STARD9: variants seen among roughly 807,000 people sequenced by gnomAD.
STARD9 encodes the protein StAR related lipid transfer domain containing 9.
In STARD9, 346 loss-of-function variants were observed where a neutral mutation model predicts 399.8. The ratio of observed to expected loss-of-function variants is 0.87; its 90% confidence interval spans 0.79 to 0.95. The LOEUF is 0.95. STARD9 is among the 40% of genes least tolerant of loss of function. The pLI is 0.00. For synonymous variants in STARD9, 2,203 were observed against 2,143.5 expected (o/e 1.03, Z -0.77); for missense variants, 5,832 against 5,667.5 (o/e 1.03, Z -0.93).
rs1358973550 is a variant in STARD9, at chr15:42,695,328, G to A, written c.13146+5G>A. On this transcript the variant is annotated splice_donor_5th_base_variant and intron_variant, in intron 25 of 32. Coordinates refer to ENST00000290607, the MANE Select transcript of STARD9 (RefSeq NM_020759.3). Reference sequence around the variant, plus strand: ...ATCATTTCCCAGCTATTGAAGGTGTGGAGTGGGGCATGCCTCTGATTTCAG... The same window carrying A: ...ATCATTTCCCAGCTATTGAAGGTGTAGAGTGGGGCATGCCTCTGATTTCAG... The A allele has an allele frequency of 5.2e-6, 8 of 1,526,612 alleles. No homozygotes were observed. The highest frequency in any genetic ancestry group is 3.6e-5 in the South Asian group (3 of 82,446). The allele number at this position is 1,526,612 out of a possible 1,614,324, so 94.6% of individuals were successfully genotyped here.
intron 20 of STARD9, among the ~76,000 whole-genome samples, chr15:42,678,726 T>C (rs1028592079): frequency 7.2e-5 from 11 of 152,174 alleles, no homozygotes; most frequent in African/African-American, 1.9e-4. Flanking sequence ...AGCTGGGGGA[T>C]ACTGGAGCCA....
intron 7 of STARD9, among the ~76,000 whole-genome samples, chr15:42,650,621 A>G (rs1014191069): frequency 5.9e-5 from 9 of 152,204 alleles, no homozygotes; most frequent in Non-Finnish European, 1.3e-4. Flanking sequence ...TGTACTGTGT[A>G]TTTTGTATGC....
At chr15:42,590,930 G>A (rs2058380850) in intron 3 of STARD9, among the ~76,000 whole-genome samples, 1 of 152,116 alleles carries the variant, frequency 6.6e-6, no homozygotes, top group Non-Finnish European at 1.5e-5. Flanking sequence ...TCCAACATTG[G>A]GGGTCACATT....
At chr15:42,625,988 A>G (rs1455923835) in intron 3 of STARD9, among the ~76,000 whole-genome samples, 2 of 151,472 alleles carry the variant, frequency 1.3e-5, no homozygotes, top group African/African-American at 4.9e-5. Context: ...GTGGTGCGAT[A>G]TCGGCTCACT....
At position 42,682,572 on chromosome 15, in the gene STARD9, A is replaced by G; in HGVS notation, c.2534A>G (p.His845Arg). The G allele has an allele frequency of 6.5e-7, 1 of 1,534,594 alleles. No homozygotes were observed. Among genetic ancestry groups the G allele is most frequent in the East Asian group, 2.4e-5 (1 of 40,862 alleles). ...TGCAGCAAGCACATGCCCCAGCTAC[A>G]CAGGTACAGCCAGTAGTTGTCACTG... The part of the protein sequence containing the change: ...RLCSKHMPQL[H>R]SIFLSWDPST... The change falls in exon 22 of 33, where the codon CAC becomes CGC. Residue 845 changes from histidine (H) to arginine (R), a missense_variant. Coordinates refer to ENST00000290607, the MANE Select transcript of STARD9 (RefSeq NM_020759.3).
At chr15:42,636,391 GCCAATATGGTGAAA>G (rs745506312) in intron 4 of STARD9, among the ~76,000 whole-genome samples, 1 of 152,074 alleles carries the variant, frequency 6.6e-6, no homozygotes, top group Non-Finnish European at 1.5e-5. Context: ...GGCCAGCCTG[GCCAATATGGTGAAA>G]CCAAGTCTTT....
chr15:42,576,928 G>C (rs1595567383), intron 1 of STARD9, among the ~76,000 whole-genome samples: 1 of 152,284 alleles, frequency 6.6e-6, no homozygotes, highest in East Asian at 1.9e-4. Context: ...TGCCTGACCT[G>C]CTGCGTTTTG....
At chr15:42,610,504 C>G (rs1352061583) in intron 3 of STARD9, among the ~76,000 whole-genome samples, 1 of 152,106 alleles carries the variant, frequency 6.6e-6, no homozygotes, top group Non-Finnish European at 1.5e-5. Context: ...AACCACTATT[C>G]TTTTGGGGTT....
chr15:42,622,181 G>A (rs949264357), intron 3 of STARD9, among the ~76,000 whole-genome samples: 5 of 152,056 alleles, frequency 3.3e-5, no homozygotes, highest in Non-Finnish European at 7.4e-5. Flanking sequence ...TGGAGGCCAC[G>A]GCAACTCCTT....
chr15:42,631,874 T>C (rs955836168), intron 3 of STARD9, among the ~76,000 whole-genome samples: 1 of 152,184 alleles, frequency 6.6e-6, no homozygotes, highest in South Asian at 2.1e-4. Context: ...GGTCTATTCT[T>C]GAGAATGATC....
chr15:42,645,382 G>A (rs2059625879), intron 7 of STARD9, among the ~76,000 whole-genome samples: 1 of 152,104 alleles, frequency 6.6e-6, no homozygotes, highest in South Asian at 2.1e-4. Flanking sequence ...CTCCATCAGA[G>A]CCCTTGGGTG....
chr15:42,666,064 G>C (rs887378022), intron 15 of STARD9, among the ~76,000 whole-genome samples: 1 of 152,070 alleles, frequency 6.6e-6, no homozygotes, highest in African/African-American at 2.4e-5. Flanking sequence ...TCAGGGATTC[G>C]TAAGTCCTTT....
chr15:42,685,687 AG>A lies in STARD9; in HGVS notation c.4114del (p.Glu1372ArgfsTer12). 1 of 1,537,398 alleles carries A rather than the reference AG, an allele frequency of 6.5e-7. No individual in the cohort carries two copies. Among genetic ancestry groups the A allele is most frequent in the Non-Finnish European group, 8.7e-7 (1 of 1,146,956 alleles). The part of the protein sequence containing the change: ...SPDMQEFHSC[K>X]GERPGYWPNT... The stretch of plus-strand genomic sequence containing the variant: ...GATATGCAGGAATTTCACTCCTGTA[AG>A]GGGGAGAGGCCTGGATACTGGCCAA... On this transcript the variant is annotated frameshift_variant, in exon 23 of 33. Transcript: ENST00000290607. LOFTEE classifies it high-confidence loss of function.
At chr15:42,580,177 A>C in intron 1 of STARD9, among the ~76,000 whole-genome samples, 1 of 152,256 alleles carries the variant, frequency 6.6e-6, no homozygotes, top group Non-Finnish European at 1.5e-5. Context: ...CTCCCAGAGG[A>C]AAGAAGGGAA....
Position 42,695,834 on chromosome 15 carries a change from A to G in STARD9, c.13238A>G (p.Asn4413Ser). 6.5e-7 allele frequency: 1 copy of G among 1,537,262 alleles called. No individual in the cohort carries two copies. The change falls in exon 26 of 33, where the codon AAT becomes AGT. Residue 4413 changes from asparagine to serine, a missense_variant. Physicochemically the swap from Asn to Ser is conservative, Grantham distance 46. Transcript: ENST00000290607. ...SLSSGMTSGY[N>S]SSPALSGQLQ... ...TCGTCTGGCATGACCTCTGGCTATA[A>G]TAGCAGCCCAGCCTTGTCAGGCCAG...
At chr15:42,644,047 G>GATAT (rs1213423633) in intron 7 of STARD9, among the ~76,000 whole-genome samples, 1 of 152,052 alleles carries the variant, frequency 6.6e-6, no homozygotes, top group Non-Finnish European at 1.5e-5. Context: ...ACATGCTTTG[G>GATAT]ATATATTTGG....
At chr15:42,618,922 T>G (rs2059029001) in intron 3 of STARD9, among the ~76,000 whole-genome samples, 1 of 152,154 alleles carries the variant, frequency 6.6e-6, no homozygotes, top group South Asian at 2.1e-4. Flanking sequence ...CCAGATATTT[T>G]TTTTAATCTT....
intron 1 of STARD9, among the ~76,000 whole-genome samples, chr15:42,579,072 G>T (rs2058115760): frequency 6.6e-6 from 1 of 152,172 alleles, no homozygotes; most frequent in South Asian, 2.1e-4. Flanking sequence ...TGAGGGGATG[G>T]ATGCTTTAAT....
In STARD9 at chr15:42,689,453, A is replaced by G; in HGVS notation, c.7875A>G (p.Ala2625=). 6.5e-7 allele frequency: 1 copy of G among 1,537,292 alleles called. No homozygotes were observed. The highest frequency in any genetic ancestry group is 2.0e-5 in the Admixed American group (1 of 51,006). Residue 2625 remains alanine (A), a synonymous_variant, in exon 23 of 33, where the codon GCA becomes GCG. Transcript: ENST00000290607. ...ATGTGGCATCTCTATCTGCTGAAGC[A>G]GGGCAGATAGATCTGTTACCTGATG... ...GFHVASLSAE[A]GQIDLLPDER...
Sources: allele counts gnomAD v4.1 joint callset (sites outside exome capture counted in the v4.1 genomes callset), GRCh38; gene constraint gnomAD v4.1.1; transcripts MANE v1.5; gene names NCBI Gene and HGNC (gene_info 2026-07-23, HGNC 2026-07-21).